Variants in TMTC2 observed in about 807,000 individuals in gnomAD.
The protein encoded by TMTC2 is transmembrane O-mannosyltransferase targeting cadherins 2.
TMTC2 carries 43 observed loss-of-function variants against 82.4 expected under a neutral mutation model. The ratio of observed to expected loss-of-function variants is 0.52; its 90% CI spans 0.41 to 0.67. The LOEUF (loss-of-function observed/expected upper bound fraction) is 0.67, where lower values mean the gene tolerates loss of function less well. Ranked by LOEUF, TMTC2 falls within the 30% of genes least tolerant of loss-of-function variation. TMTC2 has a pLI of 0.00. For missense variants in TMTC2, 919 were observed against 1,012.4 expected, an observed-to-expected ratio of 0.91 and a Z score of 1.25; for synonymous variants, 408 against 381.9, an observed-to-expected ratio of 1.07 and a Z score of -0.80.
intron 2 of TMTC2, among the ~76,000 whole-genome samples, chr12:82,857,915 C>T (rs183365141): frequency 5.9e-5 from 9 of 152,262 alleles, no homozygotes; most frequent in South Asian, 4.1e-4. Context: ...TTGTCTATAA[C>T]GTGTATTTGT....
At chr12:83,051,856 G>GT (rs1312056869) in intron 10 of TMTC2, among the ~76,000 whole-genome samples, 9 of 152,146 alleles carry the variant, frequency 5.9e-5, no homozygotes, top group Admixed American at 1.3e-4. Context: ...AGATTATCAG[G>GT]TTTTTTTGTG....
intron 8 of TMTC2, among the ~76,000 whole-genome samples, chr12:83,009,857 T>A (rs1880375582): frequency 6.6e-6 from 1 of 152,122 alleles, no homozygotes; most frequent in Non-Finnish European, 1.5e-5. Context: ...CTCTTCCACC[T>A]CAGATAAACA....
chr12:83,008,677 T>G (rs1328538434), intron 8 of TMTC2, among the ~76,000 whole-genome samples: 1 of 152,234 alleles, frequency 6.6e-6, no homozygotes, highest in African/African-American at 2.4e-5. Context: ...TTTTCTAATC[T>G]TTTGCCATGT....
At chr12:83,082,053 A>T (rs1047591969) in intron 11 of TMTC2, among the ~76,000 whole-genome samples, 5 of 152,202 alleles carry the variant, frequency 3.3e-5, no homozygotes, top group Non-Finnish European at 5.9e-5. Flanking sequence ...TTACTGGGTA[A>T]TTCAGAATTT....
At chr12:82,796,053 G>A (rs2137029230) in intron 1 of TMTC2, among the ~76,000 whole-genome samples, 1 of 152,240 alleles carries the variant, frequency 6.6e-6, no homozygotes, top group African/African-American at 2.4e-5. Context: ...CTTAGAACAG[G>A]GCCAGCCACA....
At chr12:83,095,854 G>A (rs1884011636) in intron 11 of TMTC2, among the ~76,000 whole-genome samples, 1 of 152,088 alleles carries the variant, frequency 6.6e-6, no homozygotes, top group Non-Finnish European at 1.5e-5. Context: ...ATATTAATTT[G>A]CTTAACAAGA....
At chr12:82,949,877 A>T (rs1302095613) in intron 4 of TMTC2, among the ~76,000 whole-genome samples, 2 of 152,328 alleles carry the variant, frequency 1.3e-5, no homozygotes, top group African/African-American at 4.8e-5. Context: ...AAACCCCTTT[A>T]TAAGTGTATT....
intron 1 of TMTC2, among the ~76,000 whole-genome samples, chr12:82,744,870 A>G (rs144978683): frequency 1.2e-4 from 19 of 152,332 alleles, no homozygotes; most frequent in African/African-American, 4.6e-4. Context: ...TCAGTCTGAA[A>G]AAGCCCTCTA....
chr12:82,782,227 A>G (rs763167951), intron 1 of TMTC2, among the ~76,000 whole-genome samples: 3 of 152,140 alleles, frequency 2.0e-5, no homozygotes, highest in Admixed American at 6.5e-5. Flanking sequence ...ACACTGGGTA[A>G]AGATAGGGCA....
intron 1 of TMTC2, among the ~76,000 whole-genome samples, chr12:82,792,774 C>G (rs1196379947): frequency 6.6e-6 from 1 of 151,926 alleles, no homozygotes; most frequent in Non-Finnish European, 1.5e-5. Flanking sequence ...CCTGGCCTCT[C>G]GATGTTACTT....
intron 1 of TMTC2, among the ~76,000 whole-genome samples, chr12:82,837,182 C>T (rs1330420749): frequency 6.6e-6 from 1 of 152,206 alleles, no homozygotes; most frequent in East Asian, 1.9e-4. Context: ...TTGTTCTTAA[C>T]ATGAATTATA....
intron 1 of TMTC2, among the ~76,000 whole-genome samples, chr12:82,742,690 T>C (rs1008183075): frequency 4.6e-5 from 7 of 151,896 alleles, no homozygotes; most frequent in African/African-American, 7.3e-5. Context: ...AGGCTAATTT[T>C]TTTTTGTATT....
At chr12:82,778,625 G>A (rs577885628) in intron 1 of TMTC2, among the ~76,000 whole-genome samples, 45 of 151,900 alleles carry the variant, frequency 3.0e-4, no homozygotes, top group Non-Finnish European at 5.9e-4. Flanking sequence ...CGAGGCGGGC[G>A]GATCACCAGG....
At chr12:82,923,694 T>C (rs1875523836) in intron 3 of TMTC2, among the ~76,000 whole-genome samples, 1 of 152,236 alleles carries the variant, frequency 6.6e-6, no homozygotes, top group Non-Finnish European at 1.5e-5. Flanking sequence ...TGTTCTCATA[T>C]ATTATGGCTA....
chr12:82,984,821 G>C (rs1414996425), intron 7 of TMTC2, among the ~76,000 whole-genome samples: 1 of 152,080 alleles, frequency 6.6e-6, no homozygotes, highest in Non-Finnish European at 1.5e-5. Context: ...TAGGCAGCTG[G>C]TATACTTTTG....
At chr12:83,031,368 G>A (rs1157075778) in intron 9 of TMTC2, among the ~76,000 whole-genome samples, 1 of 152,188 alleles carries the variant, frequency 6.6e-6, no homozygotes, top group Non-Finnish European at 1.5e-5. Flanking sequence ...AAGCTGTAAA[G>A]GGTGCAAAGG....
intron 3 of TMTC2, among the ~76,000 whole-genome samples, chr12:82,908,602 G>A (rs2137204503): frequency 6.6e-6 from 1 of 152,180 alleles, no homozygotes; most frequent in Admixed American, 6.5e-5. Flanking sequence ...ATTTCTGAGT[G>A]ATTGTCAGTT....
chr12:82,896,776 C>A, intron 3 of TMTC2, 130 bp downstream of exon 3: 1 of 659,700 alleles, frequency 1.5e-6, no homozygotes, highest in Non-Finnish European at 2.4e-6. Flanking sequence ...ATCTTTCATT[C>A]TTTTTATTTT....
In TMTC2 at chr12:82,893,241, C is replaced by T. The variant is rs142098061; in HGVS notation, c.655-2577C>T. 5.3e-4 allele frequency among the ~76,000 whole-genome samples: 80 copies of T among 151,730 alleles called. 3 individuals are homozygous for T. In the East Asian group the frequency reaches 0.015, roughly 28 times the overall value. ...GAAAAATTAGCTGGGCATGGTGGCA[C>T]GTGCCTGTAGTCCCAGCTACTTGCA... On this transcript the variant is annotated intron_variant, in intron 2 of 11. Transcript: ENST00000321196.
Sources: allele counts gnomAD v4.1 joint callset (sites outside exome capture counted in the v4.1 genomes callset), GRCh38; gene constraint gnomAD v4.1.1; transcripts MANE v1.5; gene names NCBI Gene and HGNC (gene_info 2026-07-23, HGNC 2026-07-21).